PDE4D: variants seen among roughly 807,000 people sequenced by gnomAD.
PDE4D encodes 3',5'-cyclic-AMP phosphodiesterase 4D.
A neutral mutation model predicts 87.4 loss-of-function variants in PDE4D; 24 were observed. The observed-to-expected ratio is 0.27, with a 90% CI of 0.20 to 0.39. The LOEUF (loss-of-function observed/expected upper bound fraction) is 0.39, where lower values mean the gene tolerates loss of function less well. Ranked by LOEUF, PDE4D falls within the 10% of genes least tolerant of loss-of-function variation. The probability of loss-of-function intolerance (pLI) is 1.00; values close to 1 mark genes in which losing one functional copy is unlikely to be tolerated. For missense variants in PDE4D, 714 were observed against 1,041.0 expected, an observed-to-expected ratio of 0.69 and a Z score of 4.32; for synonymous variants, 384 against 383.2, an observed-to-expected ratio of 1.00 and a Z score of -0.02.
At chr5:59,176,363 G>A (rs1329552814) in intron 5 of PDE4D, among the ~76,000 whole-genome samples, 1 of 152,074 alleles carries the variant, frequency 6.6e-6, no homozygotes, top group Non-Finnish European at 1.5e-5. Context: ...GACCATCCTG[G>A]CTAACACAGT....
intron 11 of PDE4D, among the ~76,000 whole-genome samples, chr5:58,984,009 C>CTA (rs1745841302): frequency 6.6e-6 from 1 of 152,196 alleles, no homozygotes; most frequent in Non-Finnish European, 1.5e-5. Flanking sequence ...GGGGCAGACA[C>CTA]TATAGATATG....
intron 1 of PDE4D, among the ~76,000 whole-genome samples, chr5:60,454,562 C>T (rs912534953): frequency 6.6e-6 from 1 of 152,148 alleles, no homozygotes; most frequent in African/African-American, 2.4e-5. Context: ...GATAACCAAA[C>T]ACCACATGTT....
At chr5:59,866,139 G>T (rs953436430) in intron 1 of PDE4D, among the ~76,000 whole-genome samples, 1 of 152,064 alleles carries the variant, frequency 6.6e-6, no homozygotes, top group Non-Finnish European at 1.5e-5. Context: ...GTTTTTTATA[G>T]AAGTTTTCAG....
At chr5:60,046,088 G>C (rs1189954262) in intron 2 of PDE4D, among the ~76,000 whole-genome samples, 1 of 152,128 alleles carries the variant, frequency 6.6e-6, no homozygotes, top group Non-Finnish European at 1.5e-5. Flanking sequence ...CACATCCCTT[G>C]TTAAGTTGGA....
At chr5:59,425,492 C>T (rs1295224640) in intron 1 of PDE4D, among the ~76,000 whole-genome samples, 2 of 152,118 alleles carry the variant, frequency 1.3e-5, no homozygotes, top group Admixed American at 1.3e-4. Context: ...CTAGACATTG[C>T]CAAATGTCCC....
chr5:59,513,235 A>G (rs1283837107), intron 1 of PDE4D, among the ~76,000 whole-genome samples: 1 of 152,156 alleles, frequency 6.6e-6, no homozygotes, highest in Non-Finnish European at 1.5e-5. Flanking sequence ...TAAATATATC[A>G]TTTCAAAATT....
Position 59,217,089 on chromosome 5 carries a change from C to T in PDE4D, c.456-1121G>A, listed in dbSNP as rs563862967. The stretch of plus-strand genomic sequence containing the variant: ...TATTTTAGAGCTGGGAAAAAATCTA[C>T]ACACACAGTTCTTAACGTCATAGTC... On this transcript the variant is annotated intron_variant, in intron 1 of 14. Transcript: ENST00000340635. 914 of 397,998 alleles carry T rather than the reference C, an allele frequency of 2.3e-3. 3 individuals carry two copies. The highest frequency in any genetic ancestry group is 3.4e-3 in the Non-Finnish European group (692 of 203,560). The allele number at this position is 397,998 out of a possible 1,614,324, so 24.7% of individuals were successfully genotyped here. A position where few individuals can be genotyped will look rare whatever the true frequency, so the allele number is the denominator to read the frequency against.
At chr5:59,389,441 A>G (rs1787794132) in intron 1 of PDE4D, among the ~76,000 whole-genome samples, 1 of 151,934 alleles carries the variant, frequency 6.6e-6, no homozygotes, top group Admixed American at 6.6e-5. Context: ...TCTTTAAAAG[A>G]TTTTATTTGA....
At chr5:59,069,561 G>C (rs1383381379) in intron 5 of PDE4D, among the ~76,000 whole-genome samples, 1 of 150,676 alleles carries the variant, frequency 6.6e-6, no homozygotes, top group Non-Finnish European at 1.5e-5. Flanking sequence ...TCCTTCCCTG[G>C]GTGATTCCTG....
chr5:60,008,407 G>A (rs541808369), intron 2 of PDE4D, among the ~76,000 whole-genome samples: 9 of 151,938 alleles, frequency 5.9e-5, no homozygotes, highest in African/African-American at 1.2e-4. Context: ...AACATCTGCC[G>A]CAAATTCAAA....
chr5:59,679,051 G>A (rs1279617128), intron 1 of PDE4D, among the ~76,000 whole-genome samples: 1 of 152,104 alleles, frequency 6.6e-6, no homozygotes, highest in Non-Finnish European at 1.5e-5. Context: ...CTTAGAGACA[G>A]TCTTATTCAC....
intron 1 of PDE4D, among the ~76,000 whole-genome samples, chr5:59,767,079 G>A (rs1400941084): frequency 1.3e-5 from 2 of 152,008 alleles, no homozygotes; most frequent in African/African-American, 4.8e-5. Flanking sequence ...TCCTGAGCAC[G>A]GTCTTGTCAC....
At chr5:60,105,512 C>T (rs565220273) in intron 2 of PDE4D, among the ~76,000 whole-genome samples, 11 of 152,098 alleles carry the variant, frequency 7.2e-5, no homozygotes, top group East Asian at 5.8e-4. Flanking sequence ...ACACAGAGAA[C>T]GCCACAAAGA....
intron 1 of PDE4D, among the ~76,000 whole-genome samples, chr5:59,859,266 A>G (rs1056276587): frequency 6.6e-6 from 1 of 152,154 alleles, no homozygotes; most frequent in Non-Finnish European, 1.5e-5. Context: ...GGTGCCTCTC[A>G]TTTCCTCAGC....
intron 5 of PDE4D, among the ~76,000 whole-genome samples, chr5:59,072,547 C>A (rs1765022604): frequency 6.6e-6 from 1 of 152,118 alleles, no homozygotes; most frequent in Non-Finnish European, 1.5e-5. Context: ...GGAAGTATAC[C>A]CCTTGTATAC....
intron 5 of PDE4D, among the ~76,000 whole-genome samples, chr5:59,121,330 T>C (rs1390766676): frequency 6.6e-6 from 1 of 152,100 alleles, no homozygotes; most frequent in East Asian, 1.9e-4. Context: ...ATTCAGAATA[T>C]ATTAGGAACT....
chr5:59,936,336 A>T (rs142708236), intron 3 of PDE4D, among the ~76,000 whole-genome samples: 290 of 152,210 alleles, frequency 1.9e-3, no homozygotes, highest in Non-Finnish European at 3.3e-3. Context: ...TGTTGTGCAC[A>T]TGTACCCTAA....
intron 1 of PDE4D, among the ~76,000 whole-genome samples, chr5:60,471,693 A>C (rs1260364497): frequency 6.6e-6 from 1 of 152,222 alleles, no homozygotes; most frequent in Non-Finnish European, 1.5e-5. Flanking sequence ...AGTGATCATT[A>C]GCATTTTTTA....
At chr5:60,420,826 C>T (rs548042679) in intron 1 of PDE4D, among the ~76,000 whole-genome samples, 1 of 152,302 alleles carries the variant, frequency 6.6e-6, no homozygotes, top group East Asian at 1.9e-4. Flanking sequence ...AGGACACTCC[C>T]GCCCAAATAC....
Sources: allele counts gnomAD v4.1 joint callset (sites outside exome capture counted in the v4.1 genomes callset), GRCh38; gene constraint gnomAD v4.1.1; transcripts MANE v1.5; gene names NCBI Gene and HGNC (gene_info 2026-07-23, HGNC 2026-07-21).